Variants in DLG2 observed in about 807,000 individuals in gnomAD.
DLG2 encodes discs large MAGUK scaffold protein 2.
A neutral mutation model predicts 132.5 loss-of-function variants in DLG2; 45 were observed. The ratio of observed to expected loss-of-function variants is 0.34; its 90% CI spans 0.27 to 0.44. The LOEUF is 0.44. Among genes scored for constraint, DLG2 ranks in the 20% least tolerant of loss-of-function variants. The pLI, the probability that DLG2 is intolerant of heterozygous loss-of-function variation, is 1.00. For missense variants in DLG2, 1,045 were observed against 1,196.9 expected (o/e 0.87, Z 1.87); for synonymous variants, 424 against 419.6 (o/e 1.01, Z -0.13).
At chr11:85,450,478 C>T (rs2092198226) in intron 3 of DLG2, among the ~76,000 whole-genome samples, 1 of 152,162 alleles carries the variant, frequency 6.6e-6, no homozygotes, top group African/African-American at 2.4e-5. Context: ...CAACCACCTA[C>T]AATTCTATTT....
Position 84,373,264 on chromosome 11 carries a change from ACAAAAC to A in DLG2, c.520-121979_520-121974del, listed in dbSNP as rs751532496. 1.1e-3 allele frequency among the ~76,000 whole-genome samples: 125 copies of A among 116,736 alleles called. 5 individuals are homozygous for A. Among genetic ancestry groups the A allele is most frequent in the African/African-American group, 4.0e-3 (114 of 28,158 alleles). 76.6% of individuals were successfully genotyped at this position (116,736 alleles called of 152,430 possible). On this transcript the variant is annotated intron_variant, in intron 7 of 27. Transcript: ENST00000376104. ...AAGAAACAGTCAAAAAAAAAAAAAA[ACAAAAC>A]AAAAAAAAAACCCACCAGGCCCGGC...
At chr11:83,462,614 G>A (rs1469763211) in intron 26 of DLG2, among the ~76,000 whole-genome samples, 1 of 152,142 alleles carries the variant, frequency 6.6e-6, no homozygotes, top group African/African-American at 2.4e-5. Context: ...GAAGGCAGGA[G>A]GGGAGATGAA....
At chr11:85,341,944 T>C (rs1412846853) in intron 3 of DLG2, among the ~76,000 whole-genome samples, 3 of 152,106 alleles carry the variant, frequency 2.0e-5, no homozygotes, top group Admixed American at 6.6e-5. Flanking sequence ...AATAAACATA[T>C]GGTAAAAAAT....
intron 6 of DLG2, among the ~76,000 whole-genome samples, chr11:85,035,760 C>T (rs1033309239): frequency 2.0e-5 from 3 of 152,156 alleles, no homozygotes; most frequent in African/African-American, 7.2e-5. Flanking sequence ...TGATCACCAT[C>T]ATAGAAACTT....
chr11:83,619,677 A>G (rs1191726390), intron 19 of DLG2, among the ~76,000 whole-genome samples: 1 of 152,136 alleles, frequency 6.6e-6, no homozygotes, highest in Non-Finnish European at 1.5e-5. Context: ...TGGAAGTATC[A>G]TGGAGGCCCC....
intron 6 of DLG2, among the ~76,000 whole-genome samples, chr11:85,103,921 T>C (rs1241777205): frequency 6.6e-6 from 1 of 151,792 alleles, no homozygotes; most frequent in Non-Finnish European, 1.5e-5. Context: ...TAATAGACAT[T>C]TTAACAAGAA....
At chr11:84,190,453 C>A (rs1004993143) in intron 8 of DLG2, among the ~76,000 whole-genome samples, 1 of 152,116 alleles carries the variant, frequency 6.6e-6, no homozygotes, top group Non-Finnish European at 1.5e-5. Flanking sequence ...CTTTTTCCCC[C>A]TCTAGAATTG....
intron 11 of DLG2, among the ~76,000 whole-genome samples, chr11:84,025,663 C>T (rs936619524): frequency 6.6e-6 from 1 of 152,118 alleles, no homozygotes; most frequent in African/African-American, 2.4e-5. Flanking sequence ...CAGTTTACAA[C>T]TCTGCTGGCT....
rs145304473 is a variant in DLG2 at position 83,775,552 on chromosome 11, G to A, written c.1825+11138C>T. ...AGATTTTTAGAAAGGTGTCAGGCCT[G>A]TAGTGAGTGCTTCATACATGCGAGT... On this transcript the variant is annotated intron_variant, in intron 18 of 27. Transcript: ENST00000376104. Among the ~76,000 whole-genome samples the A allele has an allele frequency of 2.5e-4, 38 of 152,314 alleles. 1 individual carries two copies. The highest frequency in any genetic ancestry group is 8.9e-4 in the African/African-American group (37 of 41,572).
intron 7 of DLG2, among the ~76,000 whole-genome samples, chr11:84,529,220 T>A (rs1218145995): frequency 6.6e-6 from 1 of 152,156 alleles, no homozygotes; most frequent in East Asian, 1.9e-4. Flanking sequence ...AGCATTCCCC[T>A]TGAAAACCAG....
chr11:84,891,956 T>G (rs1463346786), intron 6 of DLG2, among the ~76,000 whole-genome samples: 1 of 152,194 alleles, frequency 6.6e-6, no homozygotes, highest in East Asian at 1.9e-4. Context: ...CAAGTGAATT[T>G]TAGATTTCTC....
intron 15 of DLG2, among the ~76,000 whole-genome samples, chr11:83,886,226 T>C (rs921047725): frequency 6.6e-6 from 1 of 152,090 alleles, no homozygotes; most frequent in African/African-American, 2.4e-5. Flanking sequence ...GAGACACATA[T>C]AGGCTCAAAA....
chr11:85,005,998 T>C (rs1025326658), intron 6 of DLG2, among the ~76,000 whole-genome samples: 7 of 152,224 alleles, frequency 4.6e-5, no homozygotes, highest in Non-Finnish European at 8.8e-5. Flanking sequence ...GTTTTTGTCA[T>C]TGGTTCTGTT....
chr11:83,586,829 G>A (rs2097094419), intron 19 of DLG2, among the ~76,000 whole-genome samples: 1 of 152,158 alleles, frequency 6.6e-6, no homozygotes, highest in South Asian at 2.1e-4. Flanking sequence ...ACCAAAGCTG[G>A]TGCTCTTAAC....
At chr11:84,565,642 A>G (rs990346765) in intron 6 of DLG2, among the ~76,000 whole-genome samples, 3 of 152,148 alleles carry the variant, frequency 2.0e-5, no homozygotes, top group African/African-American at 7.2e-5. Context: ...TAAGGCTTCC[A>G]GGACAGGCTT....
At chr11:83,930,662 T>C (rs1055355312) in intron 14 of DLG2, among the ~76,000 whole-genome samples, 179 bp from the exon 15 acceptor site, 3 of 152,200 alleles carry the variant, frequency 2.0e-5, no homozygotes, top group Admixed American at 1.3e-4. Flanking sequence ...ACTTTATTCC[T>C]CAGACTCTTC....
chr11:85,440,468 C>T (rs1272968026), intron 3 of DLG2, among the ~76,000 whole-genome samples: 2 of 152,136 alleles, frequency 1.3e-5, no homozygotes, highest in Non-Finnish European at 1.5e-5. Flanking sequence ...AAGGCTGTCA[C>T]CTGTCACTTT....
At chr11:85,509,387 T>C (rs2094006392) in intron 3 of DLG2, among the ~76,000 whole-genome samples, 1 of 152,004 alleles carries the variant, frequency 6.6e-6, no homozygotes, top group Non-Finnish European at 1.5e-5. Context: ...TTCTCAAAAG[T>C]TGGGCATTAC....
At chr11:84,253,852 T>G (rs909843828) in intron 7 of DLG2, among the ~76,000 whole-genome samples, 1 of 152,108 alleles carries the variant, frequency 6.6e-6, no homozygotes, top group African/African-American at 2.4e-5. Context: ...CTAAGCTGCT[T>G]CATAATCCCA....
Sources: gnomAD v4.1 joint callset for allele counts (sites outside exome capture counted in the v4.1 genomes callset) on GRCh38, gnomAD v4.1.1 for gene constraint, MANE v1.5 for transcripts, NCBI Gene and HGNC (gene_info 2026-07-23, HGNC 2026-07-21) for gene names.